The following MYRIP variants were observed in gnomAD, a reference collection of about 807,000 sequenced individuals.
MYRIP encodes the protein myosin VIIA and Rab interacting protein, also known as rab effector MyRIP.
Under a neutral mutation model 98.0 loss-of-function variants are expected in MYRIP, and 49 were observed. The ratio of observed to expected loss-of-function variants is 0.50; its 90% confidence interval spans 0.40 to 0.63. The LOEUF is 0.63. Among genes scored for constraint, MYRIP ranks in the 30% least tolerant of loss-of-function variants. The pLI is 0.00. For synonymous variants in MYRIP, 404 were observed against 409.5 expected (o/e 0.99, Z 0.16); for missense variants, 1,004 against 1,058.2 (o/e 0.95, Z 0.71).
intron 3 of MYRIP, among the ~76,000 whole-genome samples, chr3:40,087,845 C>T (rs79737561): frequency 0.011 from 1,681 of 152,238 alleles, 31 homozygotes; most frequent in African/African-American, 0.039. Context: ...TTGAAGACTG[C>T]ACTAGGGATT....
intron 2 of MYRIP, among the ~76,000 whole-genome samples, chr3:40,025,968 A>G (rs1243880345): frequency 6.6e-6 from 1 of 152,122 alleles, no homozygotes; most frequent in Non-Finnish European, 1.5e-5. Context: ...TAAACACCCT[A>G]AACAACAGAA....
intron 1 of MYRIP, among the ~76,000 whole-genome samples, chr3:39,899,699 T>A (rs552282167): frequency 2.0e-5 from 3 of 152,328 alleles, no homozygotes; most frequent in African/African-American, 7.2e-5. Context: ...AAATGAAAAC[T>A]GTCATTGTCC....
intron 1 of MYRIP, among the ~76,000 whole-genome samples, chr3:39,839,706 G>T (rs1447138948): frequency 6.6e-6 from 1 of 151,996 alleles, no homozygotes; most frequent in Non-Finnish European, 1.5e-5. Context: ...TGGTTGCAAA[G>T]AATTTATTTA....
chr3:40,133,895 A>C (rs930018259), intron 3 of MYRIP, among the ~76,000 whole-genome samples: 2 of 152,120 alleles, frequency 1.3e-5, no homozygotes, highest in African/African-American at 4.8e-5. Flanking sequence ...TAAGAAGACA[A>C]GGGGGTGGAG....
chr3:39,903,212 C>G (rs1233116944), intron 2 of MYRIP, among the ~76,000 whole-genome samples: 1 of 152,112 alleles, frequency 6.6e-6, no homozygotes, highest in Non-Finnish European at 1.5e-5. Context: ...CTGAAATTGC[C>G]AAACATTTGC....
intron 2 of MYRIP, among the ~76,000 whole-genome samples, chr3:39,955,781 C>T (rs993945984): frequency 1.3e-5 from 2 of 152,022 alleles, no homozygotes; most frequent in African/African-American, 4.8e-5. Context: ...TTCAGGAAAC[C>T]CATCTCACAT....
chr3:40,093,456 G>A (rs1388686774), intron 3 of MYRIP, among the ~76,000 whole-genome samples: 1 of 152,180 alleles, frequency 6.6e-6, no homozygotes, highest in Non-Finnish European at 1.5e-5. Flanking sequence ...GACAAGGAAT[G>A]CATCTCCAGG....
At chr3:40,157,602 T>G (rs1457879952) in intron 4 of MYRIP, among the ~76,000 whole-genome samples, 1 of 145,892 alleles carries the variant, frequency 6.9e-6, no homozygotes, top group Non-Finnish European at 1.5e-5. Flanking sequence ...CTGGTAGAAT[T>G]TGGCTGTGAA....
chr3:40,073,972 A>G (rs1435093587), intron 3 of MYRIP, among the ~76,000 whole-genome samples: 1 of 152,260 alleles, frequency 6.6e-6, no homozygotes, highest in Non-Finnish European at 1.5e-5. Flanking sequence ...AGAAATCTGG[A>G]ATTAGAACCC....
chr3:39,967,811 T>C (rs1475763079), intron 2 of MYRIP, among the ~76,000 whole-genome samples: 2 of 152,174 alleles, frequency 1.3e-5, no homozygotes, highest in Non-Finnish European at 2.9e-5. Flanking sequence ...CTGCGGTTTT[T>C]ATTTGCATTT....
At chr3:40,152,156 A>G (rs1950137192) in intron 4 of MYRIP, among the ~76,000 whole-genome samples, 1 of 152,234 alleles carries the variant, frequency 6.6e-6, no homozygotes, top group African/African-American at 2.4e-5. Flanking sequence ...TATTATGTTT[A>G]TCACCATTTC....
At chr3:39,994,084 A>G (rs920161717) in intron 2 of MYRIP, among the ~76,000 whole-genome samples, 6 of 152,248 alleles carry the variant, frequency 3.9e-5, no homozygotes, top group African/African-American at 1.4e-4. Flanking sequence ...AAATAGGAAC[A>G]GCCCCAGTCT....
At chr3:39,858,110 T>A (rs1423717300) in intron 1 of MYRIP, among the ~76,000 whole-genome samples, 1 of 152,138 alleles carries the variant, frequency 6.6e-6, no homozygotes, top group African/African-American at 2.4e-5. Flanking sequence ...TGAATGGGTT[T>A]TTAAAAGACA....
chr3:39,914,490 A>C lies in MYRIP; in HGVS notation c.110+13564A>C, dbSNP rs922777975. On this transcript the variant is annotated intron_variant, in intron 2 of 16. Coordinates refer to ENST00000302541, the MANE Select transcript of MYRIP (RefSeq NM_015460.4). ...TACTCCAAAAAACAGACAAAACACT[A>C]GCCAATAATATAGTCAAAAAAAGCT... is the stretch of plus-strand genomic sequence containing the variant. Among the ~76,000 whole-genome samples the C allele has an allele frequency of 1.4e-4, 21 of 152,296 alleles. 1 individual carries two copies. The Middle Eastern group carries it at 0.017, about 123-fold the overall frequency.
chr3:40,071,390 T>C (rs1303255577), intron 3 of MYRIP, among the ~76,000 whole-genome samples: 8 of 152,130 alleles, frequency 5.3e-5, no homozygotes, highest in Non-Finnish European at 5.9e-5. Context: ...GGAAATGCAG[T>C]CTATCCTGAT....
chr3:39,929,878 G>T (rs1944498582), intron 2 of MYRIP, among the ~76,000 whole-genome samples: 1 of 151,862 alleles, frequency 6.6e-6, no homozygotes, highest in Non-Finnish European at 1.5e-5. Context: ...TGTTTTCGAG[G>T]TTCATCCATG....
At chr3:40,204,235 AT>A (rs553006883) in intron 10 of MYRIP, among the ~76,000 whole-genome samples, 7 of 26,708 alleles carry the variant, frequency 2.6e-4, no homozygotes, top group Admixed American at 6.8e-4. Context: ...ATATATATAT[AT>A]TTTTTTTTTT....
chr3:40,120,940 C>A (rs1949389736), intron 3 of MYRIP, among the ~76,000 whole-genome samples: 1 of 152,202 alleles, frequency 6.6e-6, no homozygotes, highest in East Asian at 1.9e-4. Flanking sequence ...TCCCCCATCC[C>A]CCAGTCCTGA....
At chr3:40,035,809 A>G (rs1289677008) in intron 2 of MYRIP, among the ~76,000 whole-genome samples, 1 of 152,066 alleles carries the variant, frequency 6.6e-6, no homozygotes. Flanking sequence ...TGAATGGCAC[A>G]TGAGTGGAAC....
Sources: allele counts gnomAD v4.1 joint callset (sites outside exome capture counted in the v4.1 genomes callset), GRCh38; gene constraint gnomAD v4.1.1; transcripts MANE v1.5; gene names NCBI Gene and HGNC (gene_info 2026-07-23, HGNC 2026-07-21).